Variants in CD44 observed in about 807,000 individuals in gnomAD.
CD44 encodes CD44 molecule (IN blood group), also known as CD44 antigen.
Under a neutral mutation model 88.8 loss-of-function variants are expected in CD44, and 49 were observed. That is an observed-to-expected ratio of 0.55 (90% CI 0.44 to 0.70). The LOEUF (loss-of-function observed/expected upper bound fraction) is 0.70, where lower values mean the gene tolerates loss of function less well. Among genes scored for constraint, CD44 ranks in the 30% least tolerant of loss-of-function variants. The pLI, the probability that CD44 is intolerant of heterozygous loss-of-function variation, is 0.00. For missense variants in CD44, 883 were observed against 913.8 expected, an observed-to-expected ratio of 0.97 and a Z score of 0.43; for synonymous variants, 325 against 312.3, an observed-to-expected ratio of 1.04 and a Z score of -0.43.
At chr11:35,179,345 T>C (rs1357425496) in intron 2 of CD44, among the ~76,000 whole-genome samples, 3 of 152,228 alleles carry the variant, frequency 2.0e-5, no homozygotes, top group Admixed American at 6.5e-5. Flanking sequence ...TGGCATTTTC[T>C]CAGCCCACAT....
At chr11:35,163,233 G>A (rs891479407) in intron 1 of CD44, among the ~76,000 whole-genome samples, 2 of 151,352 alleles carry the variant, frequency 1.3e-5, no homozygotes, top group Non-Finnish European at 2.9e-5. Flanking sequence ...CAAGTGCCAA[G>A]GGTTATGAAT....
chr11:35,223,498 T>C (rs182137549), intron 17 of CD44, among the ~76,000 whole-genome samples: 84 of 152,240 alleles, frequency 5.5e-4, no homozygotes, highest in Non-Finnish European at 9.9e-4. Flanking sequence ...AGTCCATACA[T>C]TGGGGCTGGG....
At chr11:35,205,692 C>T (rs779405282) in intron 10 of CD44, 38 of 586,836 alleles carry the variant, frequency 6.5e-5, no homozygotes, top group Non-Finnish European at 7.9e-5. Flanking sequence ...GATTCCTTTC[C>T]TGAGATCACT....
chr11:35,226,851 T>A (rs906232059), intron 17 of CD44, among the ~76,000 whole-genome samples: 2 of 150,966 alleles, frequency 1.3e-5, no homozygotes, highest in African/African-American at 4.9e-5. Context: ...AACCAGGCCT[T>A]CCGAGCCCCT....
At chr11:35,208,582 G>C (rs1468985894) in intron 12 of CD44, among the ~76,000 whole-genome samples, 1 of 152,172 alleles carries the variant, frequency 6.6e-6, no homozygotes, top group South Asian at 2.1e-4. Flanking sequence ...GTGCAGAAGA[G>C]GGGTAGGATT....
At chr11:35,161,862 A>T (rs544034699) in intron 1 of CD44, among the ~76,000 whole-genome samples, 2 of 152,242 alleles carry the variant, frequency 1.3e-5, no homozygotes, top group Admixed American at 6.5e-5. Flanking sequence ...TCCTTTTGCC[A>T]GGTATCTGAG....
chr11:35,189,251 G>A (rs996076), intron 4 of CD44, among the ~76,000 whole-genome samples: 80,158 of 152,028 alleles, frequency 0.53, 21,773 homozygotes, highest in East Asian at 0.86. Flanking sequence ...AGACCTGCTG[G>A]TTTCCTAGCC....
At position 35,198,278 on chromosome 11, in the gene CD44, A is replaced by G. The variant is rs184343364; in HGVS notation, c.922+32A>G. 799 of 1,603,926 alleles carry G rather than the reference A, an allele frequency of 5.0e-4. 5 individuals carry two copies. The Middle Eastern group carries it at 0.011, about 21-fold the overall frequency. ...ATAATCAATTACAGTACAGCCATTTATGCAAGGCTTATTGATTAATCTGAG... is the reference window on the plus strand; with the variant it reads ...ATAATCAATTACAGTACAGCCATTTGTGCAAGGCTTATTGATTAATCTGAG... On this transcript the variant is annotated intron_variant, in intron 7 of 17. Transcript: ENST00000428726.
chr11:35,209,024 G>T (rs897119867), intron 12 of CD44, among the ~76,000 whole-genome samples: 1 of 152,196 alleles, frequency 6.6e-6, no homozygotes, highest in African/African-American at 2.4e-5. Flanking sequence ...ATAAGCCTAT[G>T]AATGGTCCTT....
At chr11:35,146,779 A>G (rs1418158056) in intron 1 of CD44, among the ~76,000 whole-genome samples, 1 of 152,210 alleles carries the variant, frequency 6.6e-6, no homozygotes, top group East Asian at 1.9e-4. Context: ...AATCCAGACG[A>G]TTGTACCTGG....
chr11:35,229,641 T>G lies in CD44; in HGVS notation c.*308T>G, dbSNP rs1949962814. 2 of 306,574 alleles carry G rather than the reference T, an allele frequency of 6.5e-6. No homozygotes were observed. Among genetic ancestry groups the G allele is most frequent in the Admixed American group, 9.4e-5 (2 of 21,282 alleles). The allele number at this position is 306,574 out of a possible 1,614,324, so 19.0% of individuals were successfully genotyped here. On this transcript the variant is annotated 3_prime_UTR_variant, in exon 18 of 18. Transcript: ENST00000428726. ...GATGGCTTCTAACAAAAACTACACATATGTATTCCTGATCGCCAACCTTTC... is the reference window on the plus strand; with the variant it reads ...GATGGCTTCTAACAAAAACTACACAGATGTATTCCTGATCGCCAACCTTTC...
At chr11:35,140,319 T>C (rs943275500) in intron 1 of CD44, among the ~76,000 whole-genome samples, 10 of 152,242 alleles carry the variant, frequency 6.6e-5, no homozygotes, top group Non-Finnish European at 8.8e-5. Context: ...TTTGTCTATG[T>C]ATGTACAGAT....
chr11:35,151,602 TTAG>T (rs1436732556), intron 1 of CD44, among the ~76,000 whole-genome samples: 1 of 152,184 alleles, frequency 6.6e-6, no homozygotes, highest in Non-Finnish European at 1.5e-5. Context: ...CTGTGATCCA[TTAG>T]TGATGTCTGC....
At chr11:35,181,686 A>G (rs913573330) in intron 3 of CD44, among the ~76,000 whole-genome samples, 1 of 136,172 alleles carries the variant, frequency 7.3e-6, no homozygotes, top group Admixed American at 8.3e-5. Context: ...ATATATTTAT[A>G]TATATATTTA....
chr11:35,189,268 G>A (rs1252796858), intron 4 of CD44, among the ~76,000 whole-genome samples: 1 of 152,150 alleles, frequency 6.6e-6, no homozygotes, highest in Non-Finnish European at 1.5e-5. Context: ...AGCCAGAAGT[G>A]GGTGTTTGCA....
At chr11:35,206,666 T>TAGA (rs1554971887) in intron 11 of CD44, among the ~76,000 whole-genome samples, 1 of 115,868 alleles carries the variant, frequency 8.6e-6, no homozygotes, top group Non-Finnish European at 1.7e-5. Context: ...TGGTGGGGGT[T>TAGA]GGTGGGGGGG....
chr11:35,154,696 T>C (rs1054967794), intron 1 of CD44, among the ~76,000 whole-genome samples: 2 of 152,308 alleles, frequency 1.3e-5, no homozygotes, highest in East Asian at 1.9e-4. Flanking sequence ...GAGTTATAGG[T>C]ATCATGATTG....
At position 35,204,780 on chromosome 11, in the gene CD44, A is replaced by C. The variant is rs182316232; in HGVS notation, c.1282+140A>C. On this transcript the variant is annotated intron_variant, in intron 10 of 17. Coordinates refer to ENST00000428726, the MANE Select transcript of CD44 (RefSeq NM_000610.4). ...TACTTAATAAATTATGCTGCAGTTC[A>C]CACAGAGCCAAACCTTAAAGGCTCA... 3.1e-4 allele frequency: 227 copies of C among 730,810 alleles called. 1 individual carries two copies. Among genetic ancestry groups the C allele is most frequent in the Admixed American group, 1.0e-3 (38 of 36,398 alleles). 45.3% of individuals were successfully genotyped at this position (730,810 alleles called of 1,614,324 possible).
intron 12 of CD44, among the ~76,000 whole-genome samples, chr11:35,209,139 C>T (rs980062433): frequency 1.3e-5 from 2 of 152,096 alleles, no homozygotes; most frequent in Non-Finnish European, 2.9e-5. Flanking sequence ...AATATTTATT[C>T]GGTGGTGGGC....
Sources: gnomAD v4.1 joint callset for allele counts (sites outside exome capture counted in the v4.1 genomes callset) on GRCh38, gnomAD v4.1.1 for gene constraint, MANE v1.5 for transcripts, NCBI Gene and HGNC (gene_info 2026-07-23, HGNC 2026-07-21) for gene names.